The following GABRB2 variants were observed in gnomAD, a reference collection of about 807,000 sequenced individuals.
The protein encoded by GABRB2 is gamma-aminobutyric acid type A receptor subunit beta2.
A neutral mutation model predicts 54.7 loss-of-function variants in GABRB2; 16 were observed. That is an observed-to-expected ratio of 0.29 (90% CI 0.20 to 0.44). The LOEUF (loss-of-function observed/expected upper bound fraction) is 0.44. Ranked by LOEUF, GABRB2 falls within the 20% of genes least tolerant of loss-of-function variation. GABRB2 has a pLI of 1.00. For missense variants in GABRB2, 355 were observed against 644.0 expected (o/e 0.55, Z 4.86); for synonymous variants, 244 against 233.8 (o/e 1.04, Z -0.40).
intron 5 of GABRB2, among the ~76,000 whole-genome samples, chr5:161,340,840 C>G (rs1754135587): frequency 6.6e-6 from 1 of 151,964 alleles, no homozygotes. Flanking sequence ...GAAAACATAG[C>G]TGTTCAACCA....
intron 4 of GABRB2, among the ~76,000 whole-genome samples, chr5:161,414,519 G>T (rs1023808714): frequency 4.6e-5 from 7 of 152,070 alleles, no homozygotes; most frequent in African/African-American, 1.4e-4. Flanking sequence ...TATCAAGATG[G>T]ATGTAAATAG....
intron 5 of GABRB2, among the ~76,000 whole-genome samples, chr5:161,357,639 G>C (rs1332161576): frequency 1.3e-5 from 2 of 152,066 alleles, no homozygotes; most frequent in Non-Finnish European, 2.9e-5. Context: ...CAGTTAGAAG[G>C]CTCTTGTAGT....
At chr5:161,424,237 C>A (rs1756932443) in intron 4 of GABRB2, among the ~76,000 whole-genome samples, 2 of 152,132 alleles carry the variant, frequency 1.3e-5, no homozygotes, top group Admixed American at 1.3e-4. Context: ...CTACTCCACA[C>A]AACGGAGTTT....
At chr5:161,490,501 T>C (rs571376199) in intron 3 of GABRB2, among the ~76,000 whole-genome samples, 18 of 151,796 alleles carry the variant, frequency 1.2e-4, no homozygotes, top group African/African-American at 4.3e-4. Context: ...TGAACCCTTA[T>C]GAGGCTTAAT....
At chr5:161,499,081 G>A (rs181940854) in intron 3 of GABRB2, among the ~76,000 whole-genome samples, 195 of 151,986 alleles carry the variant, frequency 1.3e-3, no homozygotes, top group African/African-American at 4.6e-3. Context: ...TCCAGAGCTC[G>A]GGCCTTCACA....
intron 3 of GABRB2, among the ~76,000 whole-genome samples, chr5:161,539,884 G>A (rs1394441000): frequency 2.0e-5 from 3 of 152,166 alleles, no homozygotes; most frequent in African/African-American, 4.8e-5. Context: ...TGTACATACC[G>A]TAATTTTAAA....
chr5:161,341,862 G>T (rs1176709917), intron 5 of GABRB2, among the ~76,000 whole-genome samples: 3 of 147,624 alleles, frequency 2.0e-5, no homozygotes, highest in African/African-American at 7.5e-5. Context: ...CTGAACCTGT[G>T]CCAAGATATT....
chr5:161,393,049 A>C (rs1178421952), intron 5 of GABRB2, among the ~76,000 whole-genome samples: 1 of 152,010 alleles, frequency 6.6e-6, no homozygotes, highest in African/African-American at 2.4e-5. Flanking sequence ...GGACCAAATA[A>C]ACAAGATTAA....
chr5:161,539,362 T>G (rs756403575), intron 3 of GABRB2, among the ~76,000 whole-genome samples: 2 of 152,202 alleles, frequency 1.3e-5, no homozygotes, highest in Non-Finnish European at 2.9e-5. Context: ...GACAGTCACC[T>G]AAGTCACATG....
chr5:161,410,669 C>A (rs1756484100), intron 5 of GABRB2, among the ~76,000 whole-genome samples: 1 of 152,148 alleles, frequency 6.6e-6, no homozygotes, highest in Non-Finnish European at 1.5e-5. Flanking sequence ...CTGTTTGCAC[C>A]AATTCCATAT....
At chr5:161,348,735 T>C (rs780217722) in intron 5 of GABRB2, among the ~76,000 whole-genome samples, 49 of 152,202 alleles carry the variant, frequency 3.2e-4, no homozygotes, top group Admixed American at 9.8e-4. Flanking sequence ...TCCTCTGTAG[T>C]AGAAGCAAAC....
At chr5:161,383,124 A>C (rs541885140) in intron 5 of GABRB2, among the ~76,000 whole-genome samples, 1 of 152,350 alleles carries the variant, frequency 6.6e-6, no homozygotes, top group South Asian at 2.1e-4. Context: ...TAATGAGTTG[A>C]TATAGGAATA....
At chr5:161,462,562 G>A (rs533315162) in intron 3 of GABRB2, among the ~76,000 whole-genome samples, 80 of 152,248 alleles carry the variant, frequency 5.3e-4, no homozygotes, top group African/African-American at 1.8e-3. Flanking sequence ...AAATAATACC[G>A]TTTGGAAGGT....
chr5:161,467,211 C>T lies in GABRB2; in HGVS notation c.238-7367G>A, dbSNP rs534838439. On this transcript the variant is annotated intron_variant, in intron 3 of 9. Transcript: ENST00000393959. Reference sequence around the variant, plus strand: ...TTCTTCTAGATAACAGCTTTGTCTCCAAAATTAGATGGTTTCAGAGAAATC... The same window carrying T: ...TTCTTCTAGATAACAGCTTTGTCTCTAAAATTAGATGGTTTCAGAGAAATC... Among the ~76,000 whole-genome samples the T allele has an allele frequency of 3.6e-4, 55 of 152,116 alleles. 1 individual carries two copies. Among genetic ancestry groups the T allele is most frequent in the African/African-American group, 1.3e-3 (53 of 41,522 alleles).
At chr5:161,318,980 A>G (rs1758126684) in intron 9 of GABRB2, among the ~76,000 whole-genome samples, 1 of 151,950 alleles carries the variant, frequency 6.6e-6, no homozygotes, top group East Asian at 1.9e-4. Context: ...GAACTTCCCA[A>G]ACTTCTCATA....
At chr5:161,542,780 A>C (rs989909608) in intron 3 of GABRB2, among the ~76,000 whole-genome samples, 5 of 152,214 alleles carry the variant, frequency 3.3e-5, no homozygotes, top group African/African-American at 1.2e-4. Context: ...ATCAATTTTG[A>C]AGTTTCATTT....
rs556785912 is a variant in GABRB2, at chr5:161,516,518, C to T, written c.237+28709G>A. On this transcript the variant is annotated intron_variant, in intron 3 of 9. Transcript: ENST00000393959. Reference sequence around the variant, plus strand: ...GAAGTTAAGAAAGGCAATGAAACTTCTCCAAAGATAAATAATAAGGGAGCA... The same window carrying T: ...GAAGTTAAGAAAGGCAATGAAACTTTTCCAAAGATAAATAATAAGGGAGCA... 1.2e-4 allele frequency among the ~76,000 whole-genome samples: 18 copies of T among 152,246 alleles called. No individual in the cohort carries two copies. In the South Asian group the frequency reaches 3.5e-3, roughly 30 times the overall value.
At chr5:161,348,823 A>G (rs543505052) in intron 5 of GABRB2, among the ~76,000 whole-genome samples, 103 of 152,174 alleles carry the variant, frequency 6.8e-4, no homozygotes, top group Non-Finnish European at 1.1e-3. Context: ...TATATATTTG[A>G]AAAGTTTTAA....
chr5:161,514,563 C>A (rs1316936394), intron 3 of GABRB2, among the ~76,000 whole-genome samples: 1 of 151,786 alleles, frequency 6.6e-6, no homozygotes, highest in Non-Finnish European at 1.5e-5. Flanking sequence ...TTCTCTATCC[C>A]TAAAAGTATA....
Sources: allele counts gnomAD v4.1 joint callset (sites outside exome capture counted in the v4.1 genomes callset), GRCh38; gene constraint gnomAD v4.1.1; transcripts MANE v1.5; gene names NCBI Gene and HGNC (gene_info 2026-07-23, HGNC 2026-07-21).